The following NFKB1 variants were observed in gnomAD, a reference collection of about 807,000 sequenced individuals.
NFKB1 encodes the protein nuclear factor kappa B subunit 1, also known as nuclear factor NF-kappa-B p105 subunit.
Under a neutral mutation model 105.1 loss-of-function variants are expected in NFKB1, and 9 were observed. The ratio of observed to expected loss-of-function variants is 0.09; its 90% CI spans 0.05 to 0.15. The LOEUF is 0.15. Ranked by LOEUF, NFKB1 falls within the 10% of genes least tolerant of loss-of-function variation. The pLI, the probability that NFKB1 is intolerant of heterozygous loss-of-function variation, is 1.00. For missense variants in NFKB1, 830 were observed against 1,203.7 expected, an observed-to-expected ratio of 0.69 and a Z score of 4.59; for synonymous variants, 440 against 442.2, an observed-to-expected ratio of 1.00 and a Z score of 0.06.
chr4:102,616,263 C>A (rs945178280), intron 23 of NFKB1, among the ~76,000 whole-genome samples, 171 bp from the exon 24 acceptor site: 47 of 152,202 alleles, frequency 3.1e-4, no homozygotes, highest in African/African-American at 1.1e-3. Flanking sequence ...CACAGTATGT[C>A]CCAAGTATCT....
chr4:102,544,039 T>C (rs1176770169), intron 5 of NFKB1, among the ~76,000 whole-genome samples: 1 of 150,834 alleles, frequency 6.6e-6, no homozygotes, highest in African/African-American at 2.5e-5. Context: ...CTTTGTAACC[T>C]GGGGTCTATG....
chr4:102,597,783 G>A (rs1726758851), intron 15 of NFKB1, 122 bp downstream of exon 15: 1 of 1,176,238 alleles, frequency 8.5e-7, no homozygotes, highest in Non-Finnish European at 1.2e-6. Flanking sequence ...TAACTGGAAT[G>A]ATGAAGAAAA....
In NFKB1 at chr4:102,515,997, A is replaced by T. The variant is rs890412963; in HGVS notation, c.-7-9515A>T. On this transcript the variant is annotated intron_variant, in intron 1 of 23. Transcript: ENST00000226574. ...TCAATTTCACCTTTATTTTTAAAAG[A>T]TTTATTTGCTGAATATTCTGGACCA... is the stretch of plus-strand genomic sequence containing the variant. Among the ~76,000 whole-genome samples the T allele has an allele frequency of 3.3e-5, 5 of 152,160 alleles. No individual in the cohort carries two copies. The East Asian group carries it at 9.6e-4, about 29-fold the overall frequency.
chr4:102,605,292 A>G (rs973241271), intron 16 of NFKB1, among the ~76,000 whole-genome samples: 2 of 152,230 alleles, frequency 1.3e-5, no homozygotes, highest in African/African-American at 4.8e-5. Flanking sequence ...TGGCAAAAAA[A>G]AAGGGTCTTG....
intron 3 of NFKB1, among the ~76,000 whole-genome samples, chr4:102,531,864 G>A (rs904338082): frequency 2.0e-5 from 3 of 152,130 alleles, no homozygotes; most frequent in Non-Finnish European, 4.4e-5. Context: ...GAAGTTTAAT[G>A]TAAACATGCT....
chr4:102,567,150 A>G lies in NFKB1; in HGVS notation c.407+15A>G. On this transcript the variant is annotated intron_variant, in intron 6 of 23. Coordinates refer to ENST00000226574, the MANE Select transcript of NFKB1 (RefSeq NM_003998.4). Reference sequence around the variant, plus strand: ...ATGGTGGTCGGGTAAGTAGGGGTATATGATGCTGTGGAAGGTAGGAACAGA... The same window carrying G: ...ATGGTGGTCGGGTAAGTAGGGGTATGTGATGCTGTGGAAGGTAGGAACAGA... 4 of 1,612,032 alleles carry G rather than the reference A, an allele frequency of 2.5e-6. No homozygotes were observed. The highest frequency in any genetic ancestry group is 2.5e-6 in the Non-Finnish European group (3 of 1,178,444).
intron 11 of NFKB1, among the ~76,000 whole-genome samples, chr4:102,586,216 A>G (rs778916945): frequency 7.2e-5 from 11 of 152,160 alleles, no homozygotes; most frequent in Non-Finnish European, 1.5e-4. Context: ...ATACTGTGAT[A>G]CAGTGATACT....
intron 5 of NFKB1, among the ~76,000 whole-genome samples, chr4:102,545,673 T>A (rs1171839182): frequency 6.6e-6 from 1 of 152,124 alleles, no homozygotes; most frequent in Non-Finnish European, 1.5e-5. Context: ...TTCACAATCA[T>A]GGGTGGGCTT....
chr4:102,570,265 G>A (rs1284412947), intron 6 of NFKB1, among the ~76,000 whole-genome samples: 1 of 152,096 alleles, frequency 6.6e-6, no homozygotes, highest in Non-Finnish European at 1.5e-5. Flanking sequence ...TTTTGTCCAT[G>A]AGTTCTCATC....
intron 4 of NFKB1, among the ~76,000 whole-genome samples, chr4:102,534,267 C>G (rs897447189): frequency 6.6e-6 from 1 of 152,180 alleles, no homozygotes; most frequent in African/African-American, 2.4e-5. Context: ...CGATATCCAT[C>G]TATTATCCTT....
chr4:102,606,426 C>G, intron 16 of NFKB1, 70 bp from the exon 17 acceptor site: 1 of 1,455,788 alleles, frequency 6.9e-7, no homozygotes, highest in Middle Eastern at 2.4e-4. Flanking sequence ...GCAGTAACAG[C>G]TACCAAGCTG....
chr4:102,551,926 G>A (rs1385679483), intron 5 of NFKB1, among the ~76,000 whole-genome samples: 9 of 152,212 alleles, frequency 5.9e-5, no homozygotes, highest in East Asian at 1.9e-4. Context: ...CAAGTACAGA[G>A]TGGAAGAGAG....
rs375088091 is a variant in NFKB1, at chr4:102,606,691, G to A, written c.1948G>A (p.Gly650Arg). 125 of 1,613,528 alleles carry A rather than the reference G, an allele frequency of 7.7e-5. No individual in the cohort carries two copies. Among genetic ancestry groups the A allele is most frequent in the Non-Finnish European group, 4.0e-5 (47 of 1,179,714 alleles). The change falls in exon 17 of 24, where the codon GGG becomes AGG. Residue 650 changes from glycine (G) to arginine (R), a missense_variant. Around this residue, in one of 8 missense-constraint regions of NFKB1, gnomAD observed 418 missense variants for 575.3 expected, o/e 0.73. Transcript: ENST00000226574. ...AGCACTACTTCTTGACCACCCCAAC[G>A]GGGACGGTAAGAGACAATCACACAT... ...KAALLLDHPN[G>R]DGLNAIHLAM... is the part of the protein sequence containing the mutation.
chr4:102,534,524 C>T (rs1409573994), intron 4 of NFKB1, among the ~76,000 whole-genome samples: 2 of 152,146 alleles, frequency 1.3e-5, no homozygotes, highest in African/African-American at 4.8e-5. Flanking sequence ...GGCCTCCTCA[C>T]TGTATCCAAC....
chr4:102,549,190 T>C (rs1722378708), intron 5 of NFKB1, among the ~76,000 whole-genome samples: 1 of 152,056 alleles, frequency 6.6e-6, no homozygotes, highest in African/African-American at 2.4e-5. Flanking sequence ...ATCGAGTTCT[T>C]ACTATGTATC....
intron 11 of NFKB1, among the ~76,000 whole-genome samples, chr4:102,589,393 ATAAG>A (rs1725988217): frequency 6.6e-6 from 1 of 152,192 alleles, no homozygotes; most frequent in African/African-American, 2.4e-5. Flanking sequence ...AACATATTTG[ATAAG>A]TAAGTCAAAG....
chr4:102,609,625 A>AG (rs1728206016), intron 19 of NFKB1, among the ~76,000 whole-genome samples: 1 of 150,488 alleles, frequency 6.6e-6, no homozygotes, highest in Non-Finnish European at 1.5e-5. Flanking sequence ...AAAAAAAAAA[A>AG]AAAAAAAAAG....
intron 6 of NFKB1, among the ~76,000 whole-genome samples, chr4:102,570,248 T>C (rs1018936170): frequency 6.6e-6 from 1 of 152,128 alleles, no homozygotes; most frequent in Non-Finnish European, 1.5e-5. Context: ...GTGTCTGTTG[T>C]TCCCCTTTTT....
chr4:102,561,332 A>T (rs1205615035), intron 5 of NFKB1, among the ~76,000 whole-genome samples: 3 of 151,112 alleles, frequency 2.0e-5, no homozygotes, highest in Admixed American at 6.6e-5. Context: ...ACAGAAAAGA[A>T]TGAATGCATG....
Sources: allele counts gnomAD v4.1 joint callset (sites outside exome capture counted in the v4.1 genomes callset), GRCh38; gene constraint gnomAD v4.1.1; regional missense constraint gnomAD v4.1.1; transcripts MANE v1.5; gene names NCBI Gene and HGNC (gene_info 2026-07-23, HGNC 2026-07-21).